Variants in IQCN observed in about 807,000 individuals in gnomAD.
The protein encoded by IQCN is IQ motif containing N, also known as IQ domain-containing protein N.
A neutral mutation model predicts 64.4 loss-of-function variants in IQCN; 46 were observed. That is an observed-to-expected ratio of 0.71 (90% confidence interval 0.56 to 0.91). The LOEUF (loss-of-function observed/expected upper bound fraction) is 0.91. Ranked by LOEUF, IQCN falls within the 40% of genes least tolerant of loss-of-function variation. IQCN has a pLI of 0.00. For missense variants in IQCN, 1,753 were observed against 1,857.4 expected (o/e 0.94, Z 1.03); for synonymous variants, 733 against 775.6 (o/e 0.95, Z 0.91).
rs1282198851 is a variant in IQCN at position 18,269,547 on chromosome 19, C to A, written c.-69G>T. ...CCAGCCTGCAAGAGGAGGCAGCCTT[C>A]AGCCTTTCATCCATGCAATATGCAG... On this transcript the variant is annotated 5_prime_UTR_variant, in exon 2 of 4. It removes the in-frame stop codon of an upstream open reading frame in the 5' UTR. Coordinates refer to ENST00000392413, the MANE Select transcript of IQCN (RefSeq NM_001145304.2). 6.4e-7 allele frequency: 1 copy of A among 1,563,122 alleles called. No homozygotes were observed. The highest frequency in any genetic ancestry group is 1.4e-5 in the African/African-American group (1 of 73,772).
intron 1 of IQCN, among the ~76,000 whole-genome samples, 172 bp downstream of exon 1, chr19:18,274,231 C>T (rs961137637): frequency 6.6e-6 from 1 of 152,138 alleles, no homozygotes; most frequent in African/African-American, 2.4e-5. Flanking sequence ...GCTGACCCAT[C>T]ATTTGCAGTC....
At chr19:18,262,351 T>C (rs1247077906) in intron 3 of IQCN, 1 of 153,098 alleles carries the variant, frequency 6.5e-6, no homozygotes, top group African/African-American at 2.4e-5. Flanking sequence ...TGAGCCAGCA[T>C]TGGGTACTCC....
intron 1 of IQCN, among the ~76,000 whole-genome samples, chr19:18,273,386 G>A (rs1437533894): frequency 6.6e-6 from 1 of 151,432 alleles, no homozygotes; most frequent in Admixed American, 6.6e-5. Context: ...TGCCCAGGCT[G>A]GAGTGCAATG....
chr19:18,272,144 CTCTTT>C (rs947286841), intron 1 of IQCN, among the ~76,000 whole-genome samples: 19 of 108,176 alleles, frequency 1.8e-4, no homozygotes, highest in African/African-American at 4.9e-4. Flanking sequence ...TTTTCTCTCT[CTCTTT>C]TGAGTTTTGT....
In IQCN at chr19:18,266,802, T is replaced by A; in HGVS notation, c.738A>T (p.Arg246Ser). ...CGTCCAGACTCACTGGGCAGGGAAA[T>A]CTGATGGTGACCGTCTGGTGTGGCA... is the stretch of plus-strand genomic sequence containing the variant. The part of the protein sequence containing the change: ...AFLPHQTVTI[R>S]FPCPVSLDAK... The change falls in exon 3 of 4, where the codon AGA becomes AGT. Residue 246 changes from arginine to serine, a missense_variant. Coordinates refer to ENST00000392413, the MANE Select transcript of IQCN (RefSeq NM_001145304.2). This position sits in a 1 kb window ranked among gnomAD's most constrained non-coding sequence, Gnocchi z 4.3. The A allele has an allele frequency of 6.2e-7, 1 of 1,614,070 alleles. No homozygotes were observed. The highest frequency in any genetic ancestry group is 1.6e-4 in the Middle Eastern group (1 of 6,062).
rs767835689 is a variant in IQCN at position 18,257,151 on chromosome 19, C to T, written c.*29G>A. The T allele has an allele frequency of 4.4e-6, 7 of 1,604,722 alleles. No individual in the cohort carries two copies. In the East Asian group the frequency reaches 6.7e-5, roughly 15 times the overall value. ...CCCAGAGAGCCATGAGTGCCTCCCA[C>T]GAAGTCCCCACTGCAGGGAGCCAGG... On this transcript the variant is annotated 3_prime_UTR_variant, in exon 4 of 4. Coordinates refer to ENST00000392413, the MANE Select transcript of IQCN (RefSeq NM_001145304.2).
At position 18,264,753 on chromosome 19, in the gene IQCN, G is replaced by A. The variant is rs12608744; in HGVS notation, c.2787C>T (p.Pro929=). The A allele has an allele frequency of 0.25, 382,300 of 1,551,060 alleles. 49,356 individuals carry two copies. The highest frequency in any genetic ancestry group is 0.34 in the Admixed American group (17,489 of 51,002). The change falls in exon 3 of 4, where the codon CCC becomes CCT. Residue 929 remains proline (P), a synonymous_variant. Coordinates refer to ENST00000392413, the MANE Select transcript of IQCN (RefSeq NM_001145304.2). The surrounding 1 kb of genome is among the most constrained non-coding windows in gnomAD (Gnocchi z 4.3). ...VLGATVTKAL[P]QSMLSMALVK... is the part of the protein sequence containing the mutation. ...CCAGCGCCATGCTCAGCATGCTCTGGGGCAGGGCTTTGGTGACAGTGGCAC... is the reference window on the plus strand; with the variant it reads ...CCAGCGCCATGCTCAGCATGCTCTGAGGCAGGGCTTTGGTGACAGTGGCAC...
Position 18,266,403 on chromosome 19 carries a change from G to A in IQCN, c.1137C>T (p.Ala379=). The change falls in exon 3 of 4, where the codon GCC becomes GCT. Residue 379 remains alanine, a synonymous_variant. Transcript: ENST00000392413. This position sits in a 1 kb window ranked among gnomAD's most constrained non-coding sequence, Gnocchi z 4.3. ...VPKVTIIKTP[A]QMYPGPTVTK... is the part of the protein sequence containing the mutation. ...TCACTGTGGGCCCCGGATACATCTG[G>A]GCTGGGGTCTTGATTATTGTTACTT... The A allele has an allele frequency of 6.3e-7, 1 of 1,596,666 alleles. No individual in the cohort carries two copies. The highest frequency in any genetic ancestry group is 8.5e-7 in the Non-Finnish European group (1 of 1,172,318).
intron 3 of IQCN, chr19:18,259,820 CAG>C (rs895252513): frequency 2.0e-5 from 3 of 152,286 alleles, no homozygotes; most frequent in African/African-American, 4.8e-5. Flanking sequence ...GCACTGAAGC[CAG>C]AGAGGGGCTG....
At chr19:18,273,080 A>G (rs1299799655) in intron 1 of IQCN, among the ~76,000 whole-genome samples, 2 of 150,114 alleles carry the variant, frequency 1.3e-5, no homozygotes, top group East Asian at 2.0e-4. Context: ...GCCCAGGCTG[A>G]AGTGCAGTGG....
chr19:18,265,223 C>T lies in IQCN; in HGVS notation c.2317G>A (p.Val773Met). The T allele has an allele frequency of 6.2e-7, 1 of 1,612,718 alleles. No individual in the cohort carries two copies. The highest frequency in any genetic ancestry group is 1.1e-5 in the South Asian group (1 of 91,082). The change falls in exon 3 of 4, where the codon GTG (valine) becomes ATG (methionine). Residue 773 changes from valine to methionine, a missense_variant. Coordinates refer to ENST00000392413, the MANE Select transcript of IQCN (RefSeq NM_001145304.2). This position sits in a 1 kb window ranked among gnomAD's most constrained non-coding sequence, Gnocchi z 4.7. ...GACACCTTGGACCCTGTTAGGAGCA[C>T]CTGGGAGTGGGTGTTGCTGCTGAGA... ...ADLSSNTHSQ[V>M]LLTGSKVSNH...
At position 18,267,479 on chromosome 19, in the gene IQCN, C is replaced by T; in HGVS notation, c.61G>A (p.Ala21Thr). The T allele has an allele frequency of 6.5e-7, 1 of 1,531,120 alleles. No individual in the cohort carries two copies. 94.8% of individuals were successfully genotyped at this position (1,531,120 alleles called of 1,614,324 possible). A position where few individuals can be genotyped will look rare whatever the true frequency, so the allele number is the denominator to read the frequency against. ...GTGACAACTGGCTCGTGAACTGTAGCTAGGCGGCCGGCTGCATTGCCTTGA... is the reference window on the plus strand; with the variant it reads ...GTGACAACTGGCTCGTGAACTGTAGTTAGGCGGCCGGCTGCATTGCCTTGA... ...GNQGNAAGRL[A>T]TVHEPVVTQW... Residue 21 changes from alanine to threonine, a missense_variant, in exon 3 of 4, where the codon GCT (alanine) becomes ACT (threonine). By Grantham distance (58) the Ala-to-Thr change is moderately conservative. Coordinates refer to ENST00000392413, the MANE Select transcript of IQCN (RefSeq NM_001145304.2).
At chr19:18,268,174 C>CTGTGTG (rs71336668) in intron 2 of IQCN, among the ~76,000 whole-genome samples, 18,583 of 134,046 alleles carry the variant, frequency 0.14, 1,003 homozygotes, top group East Asian at 0.23. Context: ...CTGTTTGCCT[C>CTGTGTG]TGTGTGTGTG....
At chr19:18,269,908 A>C (rs145562798) in intron 1 of IQCN, among the ~76,000 whole-genome samples, 12 of 152,190 alleles carry the variant, frequency 7.9e-5, no homozygotes, top group African/African-American at 2.6e-4. Context: ...CAAGGGCATG[A>C]TATCCAGGCA....
In IQCN at chr19:18,265,571, G is replaced by A. The variant is rs1468282231; in HGVS notation, c.1969C>T (p.Leu657=). The change falls in exon 3 of 4, where the codon CTG becomes TTG. Residue 657 remains leucine, a synonymous_variant. Transcript: ENST00000392413. This position sits in a 1 kb window ranked among gnomAD's most constrained non-coding sequence, Gnocchi z 4.7. ...VYVPVDMAVT[L]PRGQLAAPLT... ...GGGGCAGCCAGCTGTCCCCGGGGCA[G>A]GGTGACAGCCATGTCTACAGGCACA... 6.2e-7 allele frequency: 1 copy of A among 1,612,150 alleles called. No homozygotes were observed. The highest frequency in any genetic ancestry group is 8.5e-7 in the Non-Finnish European group (1 of 1,178,558).
intron 3 of IQCN, chr19:18,259,040 G>A (rs1297476919): frequency 2.6e-5 from 4 of 156,158 alleles, no homozygotes; most frequent in African/African-American, 4.8e-5. Flanking sequence ...TTGGAACACA[G>A]CCTCATCCAA....
At chr19:18,270,634 G>A (rs1032682068) in intron 1 of IQCN, among the ~76,000 whole-genome samples, 9 of 152,038 alleles carry the variant, frequency 5.9e-5, no homozygotes, top group African/African-American at 7.2e-5. Flanking sequence ...ACTCGAGCCT[G>A]AGCGACAGAA....
intron 1 of IQCN, 131 bp from the exon 2 acceptor site, chr19:18,269,718 T>C (rs1158868771): frequency 8.0e-6 from 4 of 500,076 alleles, no homozygotes; most frequent in African/African-American, 7.9e-5. Context: ...TATTCCAGTG[T>C]TATTTTGTAG....
In IQCN at chr19:18,267,176, T is replaced by G; in HGVS notation, c.364A>C (p.Lys122Gln). 1 of 1,614,262 alleles carries G rather than the reference T, an allele frequency of 6.2e-7. No homozygotes were observed. The highest frequency in any genetic ancestry group is 8.5e-7 in the Non-Finnish European group (1 of 1,180,056). Reference sequence around the variant, plus strand: ...GCCGCCATCATCTGGGAAATCAGCTTCTGCCGGAGCCAATAGCCCCTCCAG... The same window carrying G: ...GCCGCCATCATCTGGGAAATCAGCTGCTGCCGGAGCCAATAGCCCCTCCAG... ...ANWRGYWLRQ[K>Q]LISQMMAAKA... Residue 122 changes from lysine to glutamine, a missense_variant, in exon 3 of 4, where the codon AAG becomes CAG. Lys to Gln is a moderately conservative substitution (Grantham distance 53). Transcript: ENST00000392413.
Sources: gnomAD v4.1 joint callset for allele counts (sites outside exome capture counted in the v4.1 genomes callset) on GRCh38, gnomAD v4.1.1 for gene constraint, Gnocchi (gnomAD v3.1) non-coding constraint, MANE v1.5 for transcripts, NCBI Gene and HGNC (gene_info 2026-07-23, HGNC 2026-07-21) for gene names.